Variants in HSP90AA1 observed in about 807,000 individuals in gnomAD.
The protein encoded by HSP90AA1 is heat shock protein 90 alpha family class A member 1.
In HSP90AA1, 18 loss-of-function variants were observed where a neutral mutation model predicts 73.3. The observed-to-expected ratio is 0.25, with a 90% CI of 0.17 to 0.36. HSP90AA1 has a LOEUF of 0.36. HSP90AA1 is among the 10% of genes least tolerant of loss of function. The probability of loss-of-function intolerance (pLI) is 1.00; values close to 1 mark genes in which losing one functional copy is unlikely to be tolerated. For synonymous variants in HSP90AA1, 477 were observed against 296.9 expected, an observed-to-expected ratio of 1.61 and a Z score of -6.24; for missense variants, 704 against 874.2, an observed-to-expected ratio of 0.81 and a Z score of 2.45.
intron 1 of HSP90AA1, among the ~76,000 whole-genome samples, chr14:102,133,894 C>G (rs1042780000): frequency 6.6e-6 from 1 of 152,078 alleles, no homozygotes; most frequent in African/African-American, 2.4e-5. Flanking sequence ...CATGGTGCCT[C>G]ATGCCTTGAA....
At chr14:102,087,899 C>T (rs2049285273), upstream of HSP90AA1, among the ~76,000 whole-genome samples, 2 of 144,736 alleles carry the variant, frequency 1.4e-5, no homozygotes, top group Non-Finnish European at 3.0e-5. Flanking sequence ...AATTAAGTAT[C>T]TAACACTTTG....
chr14:102,105,968 C>T (rs763130254), intron 1 of HSP90AA1, among the ~76,000 whole-genome samples: 6 of 151,944 alleles, frequency 3.9e-5, no homozygotes, highest in African/African-American at 7.3e-5. Flanking sequence ...CCCAGCTGCT[C>T]GGGAGGCTGA....
chr14:102,096,694 C>T (rs529827978), intron 2 of HSP90AA1, among the ~76,000 whole-genome samples: 6 of 152,320 alleles, frequency 3.9e-5, no homozygotes, highest in Non-Finnish European at 8.8e-5. Flanking sequence ...GAATGGATAA[C>T]TGAATTGCTT....
At chr14:102,136,752 G>A (rs898327602) in intron 1 of HSP90AA1, among the ~76,000 whole-genome samples, 2 of 151,140 alleles carry the variant, frequency 1.3e-5, no homozygotes, top group Non-Finnish European at 2.9e-5. Flanking sequence ...AGCCAGGTGT[G>A]GTGGCAGGTG....
At chr14:102,117,147 G>C (rs937758264) in intron 1 of HSP90AA1, among the ~76,000 whole-genome samples, 4 of 152,192 alleles carry the variant, frequency 2.6e-5, no homozygotes, top group African/African-American at 7.2e-5. Context: ...GCCAAGGGGG[G>C]TGCTAAGGGC....
intron 1 of HSP90AA1, among the ~76,000 whole-genome samples, chr14:102,137,323 CTATT>C (rs200125016): frequency 5.5e-4 from 83 of 149,672 alleles, no homozygotes; most frequent in Non-Finnish European, 9.5e-4. Context: ...ATTTATTTAT[CTATT>C]TATTTATTTA....
In HSP90AA1 at chr14:102,085,595, C is replaced by T. The variant is rs560665377; in HGVS notation, c.529+163G>A. 6 of 1,253,598 alleles carry T rather than the reference C, an allele frequency of 4.8e-6. No homozygotes were observed. The East Asian group carries it at 7.2e-5, about 15-fold the overall frequency. 77.7% of individuals were successfully genotyped at this position (1,253,598 alleles called of 1,614,324 possible). ...GGCAAGGTGCCTCGCCCAAAAGAAC[C>T]GCCCACCAAGTCATGCCATTACACT... On this transcript the variant is annotated intron_variant, in intron 3 of 10. Coordinates refer to ENST00000216281, the MANE Select transcript of HSP90AA1 (RefSeq NM_005348.4).
chr14:102,103,334 T>G (rs2049520969), intron 1 of HSP90AA1, among the ~76,000 whole-genome samples: 1 of 150,510 alleles, frequency 6.6e-6, no homozygotes, highest in African/African-American at 2.4e-5. Flanking sequence ...CTCCTACCTC[T>G]GCTTCTCGAG....
exon 1 of HSP90AA1, chr14:102,139,262 G>C (rs1318591499): frequency 6.2e-7 from 1 of 1,614,136 alleles, no homozygotes; most frequent in Admixed American, 1.7e-5. Flanking sequence ...TCTCAGAAAC[G>C]GCGGCGAGGA....
chr14:102,117,935 G>C (rs1321232899), intron 1 of HSP90AA1, among the ~76,000 whole-genome samples: 2 of 152,158 alleles, frequency 1.3e-5, no homozygotes, highest in African/African-American at 4.8e-5. Context: ...TGCCAGCTGG[G>C]GAAGCTGCTT....
chr14:102,088,061 C>T (rs1199607059), upstream of HSP90AA1, among the ~76,000 whole-genome samples: 1 of 151,660 alleles, frequency 6.6e-6, no homozygotes, highest in East Asian at 1.9e-4. Flanking sequence ...GATCCTCCCG[C>T]CTCAGCTTTC....
intron 1 of HSP90AA1, among the ~76,000 whole-genome samples, chr14:102,133,002 G>A (rs539644324): frequency 6.6e-6 from 1 of 151,302 alleles, no homozygotes; most frequent in Non-Finnish European, 1.5e-5. Context: ...GGGGCGGGCT[G>A]GGCGCAGTGG....
intron 1 of HSP90AA1, among the ~76,000 whole-genome samples, chr14:102,111,543 G>A (rs553421738): frequency 2.3e-4 from 35 of 152,306 alleles, no homozygotes; most frequent in Non-Finnish European, 4.9e-4. Context: ...CCTTCCAAAT[G>A]GGAGAAACTG....
upstream of HSP90AA1, among the ~76,000 whole-genome samples, chr14:102,089,788 G>A (rs1448549774): frequency 4.6e-5 from 7 of 152,052 alleles, no homozygotes; most frequent in East Asian, 1.9e-4. Context: ...AACGGATCTG[G>A]CACTGAGTCC....
exon 1 of HSP90AA1, chr14:102,139,644 G>C (rs577664351): frequency 1.6e-6 from 1 of 641,548 alleles, no homozygotes; most frequent in African/African-American, 1.8e-5. Flanking sequence ...AGCTGAAGCC[G>C]GCATCACCTG....
At chr14:102,129,051 C>G (rs916816221) in intron 1 of HSP90AA1, among the ~76,000 whole-genome samples, 1 of 151,910 alleles carries the variant, frequency 6.6e-6, no homozygotes, top group Non-Finnish European at 1.5e-5. Flanking sequence ...TTCAAACAAC[C>G]TAATAAGTAG....
chr14:102,121,026 C>CGT (rs2049772120), intron 1 of HSP90AA1, among the ~76,000 whole-genome samples: 1 of 143,996 alleles, frequency 6.9e-6, no homozygotes, highest in African/African-American at 2.5e-5. Context: ...CACACATACA[C>CGT]ACACACACAC....
rs111867119 is a variant in HSP90AA1, at chr14:102,134,149, C to CA, written c.155+5100dup. Among the ~76,000 whole-genome samples, 1,337 of 139,006 alleles carry CA rather than the reference C, an allele frequency of 9.6e-3. 13 individuals are homozygous for CA. The highest frequency in any genetic ancestry group is 0.034 in the African/African-American group (1,262 of 37,470). 91.2% of individuals were successfully genotyped at this position (139,006 alleles called of 152,430 possible). A position where few individuals can be genotyped will look rare whatever the true frequency, so the allele number is the denominator to read the frequency against. On this transcript the variant is annotated intron_variant, in intron 1 of 11. Coordinates refer to the HSP90AA1 transcript ENST00000334701. ...CTGGGCAACAGAGTGAGACCTGTCTCAAAAAAAAAAAAACCCCGTCTCTAT... is the reference window on the plus strand; with the variant it reads ...CTGGGCAACAGAGTGAGACCTGTCTCAAAAAAAAAAAAAACCCCGTCTCTAT...
intron 1 of HSP90AA1, among the ~76,000 whole-genome samples, chr14:102,134,603 G>A (rs965575497): frequency 2.6e-5 from 4 of 152,034 alleles, no homozygotes; most frequent in African/African-American, 9.7e-5. Context: ...CAGGAGTGAA[G>A]CTGCAGACCT....
Sources: allele counts gnomAD v4.1 joint callset (sites outside exome capture counted in the v4.1 genomes callset), GRCh38; gene constraint gnomAD v4.1.1; transcripts MANE v1.5; gene names NCBI Gene and HGNC (gene_info 2026-07-23, HGNC 2026-07-21).